Variants in SLC24A3 observed in about 807,000 individuals in gnomAD.
SLC24A3 encodes the protein solute carrier family 24 member 3.
Under a neutral mutation model 75.8 loss-of-function variants are expected in SLC24A3, and 28 were observed. The observed-to-expected ratio is 0.37, with a 90% confidence interval of 0.27 to 0.51. SLC24A3 has a LOEUF of 0.51. Ranked by LOEUF, SLC24A3 falls within the 20% of genes least tolerant of loss-of-function variation. The probability of loss-of-function intolerance (pLI) is 0.94; values close to 1 mark genes in which losing one functional copy is unlikely to be tolerated. For synonymous variants in SLC24A3, 372 were observed against 334.1 expected (o/e 1.11, Z -1.24); for missense variants, 663 against 847.8 (o/e 0.78, Z 2.71).
At chr20:19,325,730 A>ATGT (rs1211764149) in intron 2 of SLC24A3, among the ~76,000 whole-genome samples, 5 of 135,506 alleles carry the variant, frequency 3.7e-5, no homozygotes, top group Non-Finnish European at 7.6e-5. Flanking sequence ...GCATATATAT[A>ATGT]TATGTGTGTG....
intron 1 of SLC24A3, among the ~76,000 whole-genome samples, chr20:19,245,822 CA>C (rs531034012): frequency 6.3e-4 from 95 of 150,444 alleles, no homozygotes; most frequent in Middle Eastern, 6.9e-3. Flanking sequence ...CTCAACATGT[CA>C]AAAAAAAACT....
intron 2 of SLC24A3, among the ~76,000 whole-genome samples, chr20:19,472,604 C>T (rs75389819): frequency 4.1e-4 from 63 of 152,326 alleles, no homozygotes; most frequent in East Asian, 2.5e-3. Flanking sequence ...GGGTCATACC[C>T]GTTTCCTTCA....
intron 1 of SLC24A3, among the ~76,000 whole-genome samples, chr20:19,219,224 G>A (rs898219557): frequency 2.0e-5 from 3 of 152,048 alleles, no homozygotes; most frequent in Non-Finnish European, 4.4e-5. Flanking sequence ...AATGCTCCTT[G>A]CTGTTGCTAG....
At chr20:19,242,018 T>C (rs1399037042) in intron 1 of SLC24A3, among the ~76,000 whole-genome samples, 1 of 152,170 alleles carries the variant, frequency 6.6e-6, no homozygotes, top group Non-Finnish European at 1.5e-5. Flanking sequence ...CCAGGACTGG[T>C]GCTTTGGAAA....
intron 15 of SLC24A3, among the ~76,000 whole-genome samples, chr20:19,715,665 C>T (rs1014472629): frequency 6.6e-6 from 1 of 152,192 alleles, no homozygotes; most frequent in Non-Finnish European, 1.5e-5. Flanking sequence ...ATAAACCTGA[C>T]ACACCCACCT....
chr20:19,521,413 G>A (rs993757077), intron 3 of SLC24A3, among the ~76,000 whole-genome samples: 8 of 152,326 alleles, frequency 5.3e-5, no homozygotes, highest in Middle Eastern at 6.8e-3. Flanking sequence ...AAATCACACA[G>A]GTTTCCATAG....
intron 6 of SLC24A3, among the ~76,000 whole-genome samples, chr20:19,629,967 C>G (rs970654966): frequency 6.6e-6 from 1 of 152,258 alleles, no homozygotes; most frequent in Non-Finnish European, 1.5e-5. Flanking sequence ...ATATGAAGCT[C>G]TCTGGTAAAG....
At chr20:19,235,004 A>G (rs1054117031) in intron 1 of SLC24A3, among the ~76,000 whole-genome samples, 2 of 152,154 alleles carry the variant, frequency 1.3e-5, no homozygotes, top group African/African-American at 4.8e-5. Context: ...ACTCACACAC[A>G]CTGAGTTAAA....
At chr20:19,502,237 G>A (rs1271421808) in intron 2 of SLC24A3, among the ~76,000 whole-genome samples, 1 of 152,034 alleles carries the variant, frequency 6.6e-6, no homozygotes, top group African/African-American at 2.4e-5. Context: ...CTGAAAATTG[G>A]GGGAAATCTC....
At chr20:19,655,623 G>A (rs758517936) in intron 7 of SLC24A3, among the ~76,000 whole-genome samples, 38 of 152,146 alleles carry the variant, frequency 2.5e-4, no homozygotes, top group Non-Finnish European at 4.6e-4. Context: ...CGGTGAATGA[G>A]CATGATTCAA....
chr20:19,507,029 A>G (rs1378312920), intron 2 of SLC24A3, among the ~76,000 whole-genome samples: 3 of 152,238 alleles, frequency 2.0e-5, no homozygotes, highest in African/African-American at 4.8e-5. Flanking sequence ...GTAAGCATGC[A>G]TTGAAATGTC....
At chr20:19,338,856 C>G (rs143420935) in intron 2 of SLC24A3, among the ~76,000 whole-genome samples, 1 of 152,134 alleles carries the variant, frequency 6.6e-6, no homozygotes, top group Non-Finnish European at 1.5e-5. Flanking sequence ...GTTATTAGCA[C>G]GATTATTTTT....
intron 6 of SLC24A3, among the ~76,000 whole-genome samples, chr20:19,605,909 A>G (rs1431638158): frequency 6.6e-6 from 1 of 152,162 alleles, no homozygotes; most frequent in Non-Finnish European, 1.5e-5. Flanking sequence ...TCTGCTCTGA[A>G]TGACTGTGCC....
In SLC24A3 at chr20:19,650,089, T is replaced by C. The variant is rs764168879; in HGVS notation, c.613-3973T>C. Among the ~76,000 whole-genome samples the C allele has an allele frequency of 7.0e-4, 107 of 152,184 alleles. 1 individual carries two copies. The highest frequency in any genetic ancestry group is 1.9e-4 in the East Asian group (1 of 5,186). On this transcript the variant is annotated intron_variant, in intron 6 of 16. Transcript: ENST00000328041. The stretch of plus-strand genomic sequence containing the variant: ...TAGAATTGTGAATTATTTGGGTGTA[T>C]GCCTTTCTAAATTCCTTCTAGAGTG...
intron 2 of SLC24A3, among the ~76,000 whole-genome samples, chr20:19,303,986 G>T (rs992377742): frequency 6.6e-5 from 10 of 152,186 alleles, no homozygotes; most frequent in Non-Finnish European, 1.5e-4. Context: ...GAGGCCATGG[G>T]TGACCTTATC....
intron 6 of SLC24A3, among the ~76,000 whole-genome samples, chr20:19,590,121 A>T (rs2031353164): frequency 6.6e-6 from 1 of 150,548 alleles, no homozygotes; most frequent in Non-Finnish European, 1.5e-5. Flanking sequence ...TAGGTGCAAA[A>T]GTAATTGCGG....
At chr20:19,217,340 A>G (rs1480208449) in intron 1 of SLC24A3, among the ~76,000 whole-genome samples, 1 of 152,202 alleles carries the variant, frequency 6.6e-6, no homozygotes, top group Non-Finnish European at 1.5e-5. Flanking sequence ...TAAAAACCCA[A>G]GGATCTGAAG....
At chr20:19,468,670 G>A (rs567703068) in intron 2 of SLC24A3, among the ~76,000 whole-genome samples, 15 of 152,158 alleles carry the variant, frequency 9.9e-5, no homozygotes, top group South Asian at 4.1e-4. Flanking sequence ...GCTGGTGCCC[G>A]TTGGAGCTTC....
intron 2 of SLC24A3, among the ~76,000 whole-genome samples, chr20:19,367,982 A>C (rs1985926094): frequency 6.6e-6 from 1 of 152,202 alleles, no homozygotes; most frequent in African/African-American, 2.4e-5. Context: ...TAATCTATAG[A>C]GTTGGAAAGA....
Sources: allele counts gnomAD v4.1 joint callset (sites outside exome capture counted in the v4.1 genomes callset), GRCh38; gene constraint gnomAD v4.1.1; transcripts MANE v1.5; gene names NCBI Gene and HGNC (gene_info 2026-07-23, HGNC 2026-07-21).